The following CAMK2A variants were observed in gnomAD, a reference collection of about 807,000 sequenced individuals.
CAMK2A encodes calcium/calmodulin-dependent protein kinase type II subunit alpha.
A neutral mutation model predicts 79.2 loss-of-function variants in CAMK2A; 7 were observed. That is an observed-to-expected ratio of 0.09 (90% CI 0.05 to 0.17). The LOEUF (loss-of-function observed/expected upper bound fraction) is 0.17, where lower values mean the gene tolerates loss of function less well. CAMK2A is among the 10% of genes least tolerant of loss of function. The probability of loss-of-function intolerance (pLI) is 1.00; values close to 1 mark genes in which losing one functional copy is unlikely to be tolerated. For synonymous variants in CAMK2A, 242 were observed against 251.7 expected, an observed-to-expected ratio of 0.96 and a Z score of 0.36; for missense variants, 214 against 646.4, an observed-to-expected ratio of 0.33 and a Z score of 7.25.
rs951578745 is a variant in CAMK2A at position 150,272,969 on chromosome 5, G to T, written c.157+96C>A. The T allele has an allele frequency of 6.6e-5, 60 of 910,134 alleles. No individual in the cohort carries two copies. In the Admixed American group the frequency reaches 1.1e-3, roughly 17 times the overall value. The allele number at this position is 910,134 out of a possible 1,614,324, so 56.4% of individuals were successfully genotyped here. ...CACCCCTGCCATAAGTATCACCCAG[G>T]GGCTCAGCCCTGGATCCTGGTCTAA... is the stretch of plus-strand genomic sequence containing the variant. On this transcript the variant is annotated intron_variant, in intron 2 of 18. Transcript: ENST00000671881.
At chr5:150,243,964 A>G (rs1277114189) in intron 13 of CAMK2A, among the ~76,000 whole-genome samples, 4 of 152,214 alleles carry the variant, frequency 2.6e-5, no homozygotes, top group Non-Finnish European at 4.4e-5. Flanking sequence ...ATCCGCTGCC[A>G]GAGGTGCCTC....
intron 2 of CAMK2A, among the ~76,000 whole-genome samples, chr5:150,268,593 C>A (rs1198469486): frequency 6.6e-6 from 1 of 152,184 alleles, no homozygotes; most frequent in East Asian, 1.9e-4. Context: ...GTCTCACTGC[C>A]CAGAAAATGG....
chr5:150,267,533 A>G (rs939155874), intron 2 of CAMK2A, among the ~76,000 whole-genome samples: 1 of 152,226 alleles, frequency 6.6e-6, no homozygotes, highest in Non-Finnish European at 1.5e-5. Flanking sequence ...AACTAATTGT[A>G]TAAATCTTAC....
chr5:150,253,385 T>C, intron 7 of CAMK2A, 59 bp downstream of exon 7: 2 of 1,352,826 alleles, frequency 1.5e-6, no homozygotes, highest in East Asian at 4.6e-5. Flanking sequence ...CCCAGAGGCT[T>C]ATGTGTCAAC....
rs557812987 is a variant in CAMK2A at position 150,268,179 on chromosome 5, T to C, written c.158-3164A>G. Reference sequence around the variant, plus strand: ...CGTGCCCGGACCCACCAAGGAGCTCTTTTTAAAACATCAATTAAATCCTGT... The same window carrying C: ...CGTGCCCGGACCCACCAAGGAGCTCCTTTTAAAACATCAATTAAATCCTGT... On this transcript the variant is annotated intron_variant, in intron 2 of 18. Coordinates refer to ENST00000671881, the MANE Select transcript of CAMK2A (RefSeq NM_015981.4). 7.2e-5 allele frequency among the ~76,000 whole-genome samples: 11 copies of C among 152,244 alleles called. No homozygotes were observed. In the East Asian group the frequency reaches 2.1e-3, roughly 29 times the overall value.
At chr5:150,228,406 A>C (rs1754698328) in intron 16 of CAMK2A, 120 bp from the exon 17 acceptor site, 2 of 686,920 alleles carry the variant, frequency 2.9e-6, no homozygotes, top group African/African-American at 3.6e-5. Context: ...AAGTTAGTAG[A>C]TGGGAAGGGG....
At chr5:150,236,711 G>C (rs1413482029) in intron 15 of CAMK2A, among the ~76,000 whole-genome samples, 2 of 152,196 alleles carry the variant, frequency 1.3e-5, no homozygotes, top group African/African-American at 4.8e-5. Context: ...CTCAAATAAG[G>C]GGAACAGCTT....
At chr5:150,231,962 T>C (rs1191279566) in intron 15 of CAMK2A, among the ~76,000 whole-genome samples, 1 of 152,172 alleles carries the variant, frequency 6.6e-6, no homozygotes, top group Non-Finnish European at 1.5e-5. Flanking sequence ...GTCCAGAACT[T>C]TCTAGGCATA....
chr5:150,266,818 C>G (rs1242549114), intron 2 of CAMK2A, among the ~76,000 whole-genome samples: 1 of 152,180 alleles, frequency 6.6e-6, no homozygotes, highest in Non-Finnish European at 1.5e-5. Context: ...CGAGCCAACA[C>G]TAGAACCCTG....
At chr5:150,287,293 C>T (rs767471687) in intron 1 of CAMK2A, among the ~76,000 whole-genome samples, 35 of 152,212 alleles carry the variant, frequency 2.3e-4, no homozygotes, top group Admixed American at 6.5e-5. Context: ...TGCAACATTT[C>T]GTAGGTTTGT....
intron 14 of CAMK2A, 39 bp from the exon 15 acceptor site, chr5:150,238,787 G>A (rs1755207875): frequency 1.3e-6 from 2 of 1,549,706 alleles, no homozygotes; most frequent in African/African-American, 1.4e-5. Context: ...GGCCTGCCTG[G>A]GAGCGGGACG....
At chr5:150,278,820 G>T (rs1219272713) in intron 1 of CAMK2A, among the ~76,000 whole-genome samples, 2 of 152,164 alleles carry the variant, frequency 1.3e-5, no homozygotes, top group African/African-American at 4.8e-5. Context: ...GCCCCTAAGA[G>T]TGTGATGCTG....
rs115665336 is a variant in CAMK2A, at chr5:150,273,890, C to T, written c.63-731G>A. The stretch of plus-strand genomic sequence containing the variant: ...TACAATGACTAGCCGTGTATGTGTG[C>T]ATTAGAATTATATCTCCTATGTATG... On this transcript the variant is annotated intron_variant, in intron 1 of 18. Coordinates refer to ENST00000671881, the MANE Select transcript of CAMK2A (RefSeq NM_015981.4). Among the ~76,000 whole-genome samples the T allele has an allele frequency of 2.8e-3, 424 of 152,300 alleles. 3 individuals are homozygous for T. The highest frequency in any genetic ancestry group is 9.1e-3 in the African/African-American group (380 of 41,560).
Position 150,247,160 on chromosome 5 carries a change from G to A in CAMK2A, c.943+612C>T, listed in dbSNP as rs374687897. On this transcript the variant is annotated intron_variant, in intron 12 of 18. Transcript: ENST00000671881. Reference sequence around the variant, plus strand: ...CCCAGTTTGGCCAAGGGCCTGGGACGCTCCTGCCCTGGACTCACTGGTGAC... The same window carrying A: ...CCCAGTTTGGCCAAGGGCCTGGGACACTCCTGCCCTGGACTCACTGGTGAC... Among the ~76,000 whole-genome samples the A allele has an allele frequency of 7.2e-5, 11 of 152,360 alleles. No homozygotes were observed. The East Asian group carries it at 7.7e-4, about 11-fold the overall frequency.
chr5:150,227,779 G>T (rs1323730961), intron 17 of CAMK2A, among the ~76,000 whole-genome samples: 1 of 152,186 alleles, frequency 6.6e-6, no homozygotes, highest in East Asian at 1.9e-4. Context: ...CAACCCACCA[G>T]CCAGCTTGTG....
At chr5:150,267,248 G>GCCCTACCCCACGTCCCATA (rs936098667) in intron 2 of CAMK2A, among the ~76,000 whole-genome samples, 1 of 151,928 alleles carries the variant, frequency 6.6e-6, no homozygotes, top group Non-Finnish European at 1.5e-5. Context: ...CACGTCCCAT[G>GCCCTACCCCACGTCCCATA]CCCTACCCCA....
Position 150,223,050 on chromosome 5 carries a change from G to A in CAMK2A, c.1405C>T (p.Arg469Trp), listed in dbSNP as rs577586528. ...TGGACGATCTGCCATTTGCCATCCC[G>A]GCGGTGCCAGACACGGGTCTCCTCC... ...QSEETRVWHR[R>W]DGKWQIVHFH... Residue 469 changes from arginine (R) to tryptophan (W), a missense_variant, in exon 18 of 19, where the codon CGG (arginine) becomes TGG (tryptophan). Physicochemically the swap from Arg to Trp is moderately radical, Grantham distance 101. This residue lies in a region of CAMK2A where 123 missense variants were observed against 242.4 expected (regional missense o/e 0.51). Transcript: ENST00000671881. This position sits in a 1 kb window ranked among gnomAD's most constrained non-coding sequence, Gnocchi z 4.1. The A allele has an allele frequency of 9.9e-6, 16 of 1,614,118 alleles. No individual in the cohort carries two copies. The highest frequency in any genetic ancestry group is 2.2e-5 in the East Asian group (1 of 44,900).
chr5:150,277,431 T>C (rs547435759), intron 1 of CAMK2A, among the ~76,000 whole-genome samples: 28 of 152,354 alleles, frequency 1.8e-4, no homozygotes, highest in African/African-American at 6.3e-4. Flanking sequence ...AGGGGGGCTC[T>C]GCACAGGGAG....
At chr5:150,252,354 G>A (rs1485868156) in intron 7 of CAMK2A, among the ~76,000 whole-genome samples, 1 of 152,060 alleles carries the variant, frequency 6.6e-6, no homozygotes, top group Non-Finnish European at 1.5e-5. Context: ...CTTCCTACTG[G>A]GTCCTGACTC....
Sources: gnomAD v4.1 joint callset for allele counts (sites outside exome capture counted in the v4.1 genomes callset) on GRCh38, gnomAD v4.1.1 for gene constraint, gnomAD v4.1.1 regional missense constraint, Gnocchi (gnomAD v3.1) non-coding constraint, MANE v1.5 for transcripts, NCBI Gene and HGNC (gene_info 2026-07-23, HGNC 2026-07-21) for gene names.